TRIB2: variants seen among roughly 807,000 people sequenced by gnomAD.
The protein encoded by TRIB2 is tribbles pseudokinase 2.
In TRIB2, 2 loss-of-function variants were observed where a neutral mutation model predicts 26.8. That is an observed-to-expected ratio of 0.07 (90% CI 0.03 to 0.24). The LOEUF (loss-of-function observed/expected upper bound fraction) is 0.24, where lower values mean the gene tolerates loss of function less well. Ranked by LOEUF, TRIB2 falls within the 10% of genes least tolerant of loss-of-function variation. The pLI is 1.00. For synonymous variants in TRIB2, 189 were observed against 187.3 expected (o/e 1.01, Z -0.08); for missense variants, 306 against 449.0 (o/e 0.68, Z 2.88).
chr2:12,720,453 G>C (rs1434937079), intron 1 of TRIB2, among the ~76,000 whole-genome samples: 1 of 152,172 alleles, frequency 6.6e-6, no homozygotes, highest in Non-Finnish European at 1.5e-5. Flanking sequence ...TAGATGATGT[G>C]GGTGACTTCT....
In TRIB2 at chr2:12,722,151, A is replaced by G. The variant is rs188058040; in HGVS notation, c.271-1109A>G. On this transcript the variant is annotated intron_variant, in intron 1 of 2. Coordinates refer to ENST00000155926, the MANE Select transcript of TRIB2 (RefSeq NM_021643.4). ...CAAGGTTGCCGACTTCCAGTCCAGCATATTTCCTACCACACTGCAAAATGA... is the reference window on the plus strand; with the variant it reads ...CAAGGTTGCCGACTTCCAGTCCAGCGTATTTCCTACCACACTGCAAAATGA... Among the ~76,000 whole-genome samples, 69 of 152,300 alleles carry G rather than the reference A, an allele frequency of 4.5e-4. 1 individual carries two copies. Among genetic ancestry groups the G allele is most frequent in the African/African-American group, 1.5e-3 (63 of 41,562 alleles).
rs781017530 is a variant in TRIB2 at position 12,740,277 on chromosome 2, C to T, written c.564-49C>T. 13 of 1,544,174 alleles carry T rather than the reference C, an allele frequency of 8.4e-6. No homozygotes were observed. The highest frequency in any genetic ancestry group is 2.7e-5 in the African/African-American group (2 of 73,248). ...GGTTATGTTATGATGCTGGTGGTAA[C>T]GTGTCTCTGAGCACCCTCAGGAGCT... On this transcript the variant is annotated intron_variant, in intron 2 of 2. Coordinates refer to ENST00000155926, the MANE Select transcript of TRIB2 (RefSeq NM_021643.4). This position sits in a 1 kb window ranked among gnomAD's most constrained non-coding sequence, Gnocchi z 5.8.
At chr2:12,735,841 C>A (rs958852944) in intron 2 of TRIB2, among the ~76,000 whole-genome samples, 1 of 152,086 alleles carries the variant, frequency 6.6e-6, no homozygotes, top group Admixed American at 6.5e-5. Flanking sequence ...AAAATTTCAG[C>A]CTCTGAAGGA....
intron 2 of TRIB2, 45 bp downstream of exon 2, chr2:12,723,597 C>T (rs1440148473): frequency 6.4e-7 from 1 of 1,568,770 alleles, no homozygotes; most frequent in African/African-American, 1.4e-5. Context: ...ATGGACTGCT[C>T]CTAACAACAG....
At chr2:12,733,648 G>A (rs1661503933) in intron 2 of TRIB2, among the ~76,000 whole-genome samples, 2 of 152,098 alleles carry the variant, frequency 1.3e-5, no homozygotes, top group Admixed American at 6.6e-5. Context: ...TTCTATTATT[G>A]TTACTATAAT....
intron 2 of TRIB2, among the ~76,000 whole-genome samples, chr2:12,729,633 T>C (rs1558317407): frequency 6.6e-6 from 1 of 152,230 alleles, no homozygotes; most frequent in Non-Finnish European, 1.5e-5. Flanking sequence ...ATTTTATTCA[T>C]GAAGGGCTTT....
In TRIB2 at chr2:12,717,852, G is replaced by A. The variant is rs896192759; in HGVS notation, c.-456G>A. 1.3e-5 allele frequency: 3 copies of A among 225,772 alleles called. No individual in the cohort carries two copies. The highest frequency in any genetic ancestry group is 2.6e-5 in the Non-Finnish European group (3 of 116,844). The allele number at this position is 225,772 out of a possible 1,614,324, so 14.0% of individuals were successfully genotyped here. A position where few individuals can be genotyped will look rare whatever the true frequency, so the allele number is the denominator to read the frequency against. On this transcript the variant is annotated 5_prime_UTR_variant, in exon 1 of 3. Coordinates refer to ENST00000155926, the MANE Select transcript of TRIB2 (RefSeq NM_021643.4). This position sits in a 1 kb window ranked among gnomAD's most constrained non-coding sequence, Gnocchi z 4.8. The stretch of plus-strand genomic sequence containing the variant: ...GCTTCTAACGCGTTGGGACTGAGTC[G>A]CCGCCGTGAGCTCCCCGAAGACTGC...
Position 12,741,043 on chromosome 2 carries a change from G to A in TRIB2, c.*249G>A, listed in dbSNP as rs1013854495. ...GCTTGTCTTCCCTAACATAGCCTGG[G>A]AGACCACCCCTTGCCACTTGGGCCA... On this transcript the variant is annotated 3_prime_UTR_variant, in exon 3 of 3. Coordinates refer to ENST00000155926, the MANE Select transcript of TRIB2 (RefSeq NM_021643.4). 1 of 485,144 alleles carries A rather than the reference G, an allele frequency of 2.1e-6. No homozygotes were observed. The highest frequency in any genetic ancestry group is 1.9e-5 in the African/African-American group (1 of 51,772). The allele number at this position is 485,144 out of a possible 1,614,324, so 30.1% of individuals were successfully genotyped here.
chr2:12,717,274 G>C lies in TRIB2; in HGVS notation c.-1034G>C. 1 of 398,206 alleles carries C rather than the reference G, an allele frequency of 2.5e-6. No homozygotes were observed. The highest frequency in any genetic ancestry group is 4.4e-6 in the Non-Finnish European group (1 of 225,836). The allele number at this position is 398,206 out of a possible 1,614,324, so 24.7% of individuals were successfully genotyped here. On this transcript the variant is annotated 5_prime_UTR_variant, in exon 1 of 3. Coordinates refer to ENST00000155926, the MANE Select transcript of TRIB2 (RefSeq NM_021643.4). The surrounding 1 kb of genome is among the most constrained non-coding windows in gnomAD (Gnocchi z 4.8). ...CAGGACGAGATCCAGTTCTCCAGCGGGAAAGGGGCAAAGGAACGCCGCGCG... is the reference window on the plus strand; with the variant it reads ...CAGGACGAGATCCAGTTCTCCAGCGCGAAAGGGGCAAAGGAACGCCGCGCG...
At chr2:12,728,771 T>TC (rs1661385135) in intron 2 of TRIB2, among the ~76,000 whole-genome samples, 1 of 152,162 alleles carries the variant, frequency 6.6e-6, no homozygotes. Context: ...CTGCCCAGAT[T>TC]CACAGACCTG....
chr2:12,724,145 G>C (rs958989380), intron 2 of TRIB2, among the ~76,000 whole-genome samples: 2 of 152,198 alleles, frequency 1.3e-5, no homozygotes, highest in Non-Finnish European at 2.9e-5. Context: ...GTCAAGGAAG[G>C]TTTTACAGGA....
In TRIB2 at chr2:12,719,749, TTTGGGTTTAGTGGA is replaced by T; in HGVS notation, c.270+1173_270+1186del. ...TGGACTGGAGTATTTCATTGCAAAATTTGGGTTTAGTGGAGATCTCCAGTCAGTTTTGCGATTGT... is the reference window on the plus strand; with the variant it reads ...TGGACTGGAGTATTTCATTGCAAAATGATCTCCAGTCAGTTTTGCGATTGT... On this transcript the variant is annotated intron_variant, in intron 1 of 2. Coordinates refer to ENST00000155926, the MANE Select transcript of TRIB2 (RefSeq NM_021643.4). Among the ~76,000 whole-genome samples, 3 of 152,184 alleles carry T rather than the reference TTTGGGTTTAGTGGA, an allele frequency of 2.0e-5. No individual in the cohort carries two copies. The South Asian group carries it at 6.2e-4, about 32-fold the overall frequency.
rs1008909772 is a variant in TRIB2 at position 12,717,293 on chromosome 2, C to T, written c.-1015C>T. 15 of 398,230 alleles carry T rather than the reference C, an allele frequency of 3.8e-5. No homozygotes were observed. The highest frequency in any genetic ancestry group is 2.9e-4 in the African/African-American group (14 of 48,630). The allele number at this position is 398,230 out of a possible 1,614,324, so 24.7% of individuals were successfully genotyped here. A position where few individuals can be genotyped will look rare whatever the true frequency, so the allele number is the denominator to read the frequency against. ...CCAGCGGGAAAGGGGCAAAGGAACG[C>T]CGCGCGTTGGAAGGGCCAGGGACGC... is the stretch of plus-strand genomic sequence containing the variant. On this transcript the variant is annotated 5_prime_UTR_variant, in exon 1 of 3. Transcript: ENST00000155926. This position sits in a 1 kb window ranked among gnomAD's most constrained non-coding sequence, Gnocchi z 4.8.
In TRIB2 at chr2:12,740,791, C is replaced by T; in HGVS notation, c.1029C>T (p.Asn343=). 6.2e-7 allele frequency: 1 copy of T among 1,612,622 alleles called. No individual in the cohort carries two copies. Among genetic ancestry groups the T allele is most frequent in the South Asian group, 1.1e-5 (1 of 90,944 alleles). ...NMEENLDPFF[N] ...AAGAGAACTTGGACCCTTTCTTTAA[C>T]TGAGCTCATGCCCCACGGAGACTTA... The change falls in exon 3 of 3, where the codon AAC becomes AAT. Residue 343 remains asparagine, a synonymous_variant. Coordinates refer to ENST00000155926, the MANE Select transcript of TRIB2 (RefSeq NM_021643.4). This position sits in a 1 kb window ranked among gnomAD's most constrained non-coding sequence, Gnocchi z 5.8.
chr2:12,717,162 A>G lies in TRIB2; in HGVS notation c.-1146A>G. On this transcript the variant is annotated 5_prime_UTR_variant, in exon 1 of 3. Coordinates refer to ENST00000155926, the MANE Select transcript of TRIB2 (RefSeq NM_021643.4). This position sits in a 1 kb window ranked among gnomAD's most constrained non-coding sequence, Gnocchi z 4.8. ...GCAAGCAAGAAATCAAAGAAGGAGG[A>G]GACAAGCCGTCAATTTTCTCCAAAA... The G allele has an allele frequency of 2.6e-6, 1 of 389,334 alleles. No individual in the cohort carries two copies. The allele number at this position is 389,334 out of a possible 1,614,324, so 24.1% of individuals were successfully genotyped here.
intron 2 of TRIB2, 120 bp downstream of exon 2, chr2:12,723,672 CT>C: frequency 8.5e-7 from 1 of 1,180,390 alleles, no homozygotes; most frequent in Non-Finnish European, 1.2e-6. Flanking sequence ...GGGAAGGAAT[CT>C]TAGGAGGGCA....
rs1457979388 is a variant in TRIB2 at position 12,732,503 on chromosome 2, G to T, written c.564-7823G>T. Among the ~76,000 whole-genome samples, 1 of 152,154 alleles carries T rather than the reference G, an allele frequency of 6.6e-6. No homozygotes were observed. The highest frequency in any genetic ancestry group is 2.4e-5 in the African/African-American group (1 of 41,434). On this transcript the variant is annotated intron_variant, in intron 2 of 2. Transcript: ENST00000155926. The surrounding 1 kb of genome is among the most constrained non-coding windows in gnomAD (Gnocchi z 4.2). ...GATGCCCTGAGATGCTTCCCCCGTG[G>T]CTCACCTGTTGCTCTCCCTGCTAAT...
intron 2 of TRIB2, among the ~76,000 whole-genome samples, chr2:12,727,453 C>T (rs1338919415): frequency 6.6e-6 from 1 of 152,210 alleles, no homozygotes; most frequent in East Asian, 1.9e-4. Context: ...ATTCTCCTCT[C>T]TGTTTGGTTT....
intron 2 of TRIB2, chr2:12,724,571 G>A (rs541471012): frequency 6.4e-7 from 1 of 1,561,752 alleles, no homozygotes; most frequent in South Asian, 1.2e-5. Context: ...ACTGAGAAGG[G>A]GCAGCTGTTG....
Sources: gnomAD v4.1 joint callset for allele counts (sites outside exome capture counted in the v4.1 genomes callset) on GRCh38, gnomAD v4.1.1 for gene constraint, Gnocchi (gnomAD v3.1) non-coding constraint, MANE v1.5 for transcripts, NCBI Gene and HGNC (gene_info 2026-07-23, HGNC 2026-07-21) for gene names.